The following SCGN variants were observed in gnomAD, a reference collection of about 807,000 sequenced individuals.
The protein encoded by SCGN is secretagogin, EF-hand calcium binding protein, also known as secretagogin.
Under a neutral mutation model 39.7 loss-of-function variants are expected in SCGN, and 30 were observed. The ratio of observed to expected loss-of-function variants is 0.76; its 90% CI spans 0.57 to 1.03. The LOEUF (loss-of-function observed/expected upper bound fraction) is 1.03, where lower values mean the gene tolerates loss of function less well. Ranked by LOEUF, SCGN falls within the 50% of genes least tolerant of loss-of-function variation. The probability of loss-of-function intolerance (pLI) is 0.00; values close to 1 mark genes in which losing one functional copy is unlikely to be tolerated. For synonymous variants in SCGN, 106 were observed against 114.1 expected (o/e 0.93, Z 0.45); for missense variants, 353 against 349.4 (o/e 1.01, Z -0.08).
rs572954824 is a variant in SCGN, at chr6:25,685,132, G to A, written c.527+3126G>A. On this transcript the variant is annotated intron_variant, in intron 7 of 10. Transcript: ENST00000377961. ...AAAGGCAAGGGAAAGGATTCTCCCC[G>A]AGAACCTCCAGAAGGAATGAGGCCG... Among the ~76,000 whole-genome samples, 4 of 152,292 alleles carry A rather than the reference G, an allele frequency of 2.6e-5. No homozygotes were observed. The South Asian group carries it at 6.2e-4, about 24-fold the overall frequency.
intron 10 of SCGN, among the ~76,000 whole-genome samples, chr6:25,697,569 A>G (rs904019439): frequency 3.9e-5 from 6 of 152,138 alleles, no homozygotes; most frequent in Non-Finnish European, 8.8e-5. Context: ...AGAGAATTGG[A>G]ATGTACAGGA....
intron 2 of SCGN, among the ~76,000 whole-genome samples, chr6:25,657,205 C>A (rs555018516): frequency 2.0e-5 from 3 of 152,134 alleles, no homozygotes; most frequent in Admixed American, 1.3e-4. Flanking sequence ...AACCTGTTCA[C>A]CTTCCACAGA....
chr6:25,657,181 C>A (rs1760241410), intron 2 of SCGN, among the ~76,000 whole-genome samples: 1 of 152,128 alleles, frequency 6.6e-6, no homozygotes, highest in African/African-American at 2.4e-5. Context: ...ACAGAAGAAC[C>A]TGGAGTCTCA....
At chr6:25,664,899 A>C (rs375883570) in intron 3 of SCGN, 44 bp from the exon 4 acceptor site, 1 of 1,478,562 alleles carries the variant, frequency 6.8e-7, no homozygotes, top group East Asian at 2.3e-5. Context: ...CTTGAAATGG[A>C]CACTGGCCAG....
intron 7 of SCGN, among the ~76,000 whole-genome samples, chr6:25,684,782 T>C (rs1329125738): frequency 6.6e-6 from 1 of 152,106 alleles, no homozygotes; most frequent in East Asian, 1.9e-4. Flanking sequence ...AGTACTCTAG[T>C]TAGGTGACTG....
chr6:25,693,398 G>C (rs538280950), intron 10 of SCGN, among the ~76,000 whole-genome samples: 82 of 140,286 alleles, frequency 5.8e-4, no homozygotes, highest in South Asian at 9.2e-4. Context: ...CTTGCAGTGA[G>C]CTGAGATTGG....
intron 10 of SCGN, among the ~76,000 whole-genome samples, chr6:25,693,207 T>C (rs1759794975): frequency 1.3e-5 from 2 of 152,014 alleles, no homozygotes; most frequent in African/African-American, 4.8e-5. Context: ...ATCCTAGCAC[T>C]TTGGGAGGCA....
At chr6:25,686,827 A>G (rs748177618) in intron 7 of SCGN, among the ~76,000 whole-genome samples, 3 of 152,164 alleles carry the variant, frequency 2.0e-5, no homozygotes, top group Non-Finnish European at 2.9e-5. Context: ...TATATAAACT[A>G]TAAAGTTTCT....
intron 6 of SCGN, among the ~76,000 whole-genome samples, chr6:25,677,898 G>A (rs1759586264): frequency 6.6e-6 from 1 of 152,070 alleles, no homozygotes. Flanking sequence ...CGAATCTATT[G>A]TTTAAGAAAA....
intron 10 of SCGN, among the ~76,000 whole-genome samples, chr6:25,691,918 C>T (rs1017590048): frequency 6.6e-6 from 1 of 152,186 alleles, no homozygotes; most frequent in African/African-American, 2.4e-5. Context: ...CACTATGGAA[C>T]CTTGCAGCTG....
chr6:25,681,392 C>G (rs1333282210), intron 6 of SCGN, among the ~76,000 whole-genome samples: 1 of 152,256 alleles, frequency 6.6e-6, no homozygotes, highest in African/African-American at 2.4e-5. Flanking sequence ...TGACTCAAAC[C>G]AAGTACCCAT....
In SCGN at chr6:25,661,613, C is replaced by T. The variant is rs1308433633; in HGVS notation, c.215C>T (p.Ala72Val). The change falls in exon 3 of 11, where the codon GCC becomes GTC. Residue 72 changes from alanine (A) to valine (V), a missense_variant. Ala to Val is a moderately conservative substitution (Grantham distance 64, BLOSUM62 0). Coordinates refer to ENST00000377961, the MANE Select transcript of SCGN (RefSeq NM_006998.4). ...CAGCAGTTTATGACTACCCAAGATG[C>T]CTCTAAAGATGGTCGCATTCGGATG... Reference protein sequence around the residue: ...VKQQFMTTQDASKDGRIRMKE... With the variant: ...VKQQFMTTQDVSKDGRIRMKE... The T allele has an allele frequency of 6.2e-7, 1 of 1,613,254 alleles. No homozygotes were observed. Among genetic ancestry groups the T allele is most frequent in the Non-Finnish European group, 8.5e-7 (1 of 1,179,478 alleles).
At position 25,684,819 on chromosome 6, in the gene SCGN, AG is replaced by A. The variant is rs1389433780; in HGVS notation, c.527+2815del. On this transcript the variant is annotated intron_variant, in intron 7 of 10. Coordinates refer to ENST00000377961, the MANE Select transcript of SCGN (RefSeq NM_006998.4). ...GCAAGATTCTATCTCAAAAAAAGAA[AG>A]GAAAAAAAAGATATCCACATCCTAA... is the stretch of plus-strand genomic sequence containing the variant. 4.6e-5 allele frequency among the ~76,000 whole-genome samples: 7 copies of A among 152,192 alleles called. No homozygotes were observed. The East Asian group carries it at 7.7e-4, about 17-fold the overall frequency.
At position 25,661,628 on chromosome 6, in the gene SCGN, G is replaced by T. The variant is rs376721140; in HGVS notation, c.230G>T (p.Arg77Leu). 5 of 1,611,224 alleles carry T rather than the reference G, an allele frequency of 3.1e-6. No individual in the cohort carries two copies. Among genetic ancestry groups the T allele is most frequent in the Non-Finnish European group, 3.4e-6 (4 of 1,177,796 alleles). The change falls in exon 3 of 11, where the codon CGC (arginine) becomes CTC (leucine). Residue 77 changes from arginine to leucine, a missense_variant. By Grantham distance (102) the Arg-to-Leu change is moderately radical. Coordinates refer to ENST00000377961, the MANE Select transcript of SCGN (RefSeq NM_006998.4). ...ACCCAAGATGCCTCTAAAGATGGTC[G>T]CATTCGGATGAAAGAGGTAACTTTA... The part of the protein sequence containing the change: ...MTTQDASKDG[R>L]IRMKELAGMF...
chr6:25,654,311 G>A (rs150106960), intron 2 of SCGN, among the ~76,000 whole-genome samples: 7 of 152,328 alleles, frequency 4.6e-5, no homozygotes, highest in Non-Finnish European at 8.8e-5. Flanking sequence ...TTGAGAACAT[G>A]GGGAGGGTAT....
intron 10 of SCGN, among the ~76,000 whole-genome samples, chr6:25,697,024 AGAG>A (rs1759847743): frequency 6.6e-6 from 1 of 152,214 alleles, no homozygotes; most frequent in South Asian, 2.1e-4. Context: ...GAAAGACTGA[AGAG>A]GTTCTTCCTG....
In SCGN at chr6:25,669,997, A is replaced by C; in HGVS notation, c.394-2A>C. ...AGTATGATTCTTCTCTTGGCGCCACAGAACTTCCTCCGAGACCTCTTTCTT... is the reference window on the plus strand; with the variant it reads ...AGTATGATTCTTCTCTTGGCGCCACCGAACTTCCTCCGAGACCTCTTTCTT... On this transcript the variant is annotated splice_acceptor_variant, in intron 5 of 10. Coordinates refer to ENST00000377961, the MANE Select transcript of SCGN (RefSeq NM_006998.4). LOFTEE classifies it high-confidence loss of function. The C allele has an allele frequency of 6.2e-7, 1 of 1,613,058 alleles. No individual in the cohort carries two copies. Among genetic ancestry groups the C allele is most frequent in the Non-Finnish European group, 8.5e-7 (1 of 1,179,076 alleles).
Position 25,664,958 on chromosome 6 carries a change from T to C in SCGN, c.262T>C (p.Leu88=). ...IRMKELAGMF[L]SEDENFLLLF... is the part of the protein sequence containing the mutation. ...GTTCCTTCAGCTTGCTGGTATGTTCTTATCTGAGGATGAAAACTTTCTTCT... is the reference window on the plus strand; with the variant it reads ...GTTCCTTCAGCTTGCTGGTATGTTCCTATCTGAGGATGAAAACTTTCTTCT... The change falls in exon 4 of 11, where the codon TTA becomes CTA. Residue 88 remains leucine, a synonymous_variant. Transcript: ENST00000377961. 6.2e-7 allele frequency: 1 copy of C among 1,613,900 alleles called. No individual in the cohort carries two copies. Among genetic ancestry groups the C allele is most frequent in the Non-Finnish European group, 8.5e-7 (1 of 1,179,766 alleles).
chr6:25,653,920 G>T (rs150980412), intron 2 of SCGN, among the ~76,000 whole-genome samples: 2 of 152,226 alleles, frequency 1.3e-5, no homozygotes, highest in East Asian at 3.9e-4. Flanking sequence ...AGAGGTTACA[G>T]ATTTTTCAGG....
Sources: gnomAD v4.1 joint callset for allele counts (sites outside exome capture counted in the v4.1 genomes callset) on GRCh38, gnomAD v4.1.1 for gene constraint, MANE v1.5 for transcripts, NCBI Gene and HGNC (gene_info 2026-07-23, HGNC 2026-07-21) for gene names.